The following EXOC4 variants were observed in gnomAD, a reference collection of about 807,000 sequenced individuals.
EXOC4 encodes SEC8-like 1.
A neutral mutation model predicts 107.2 loss-of-function variants in EXOC4; 71 were observed. That is an observed-to-expected ratio of 0.66 (90% confidence interval 0.55 to 0.81). The LOEUF (loss-of-function observed/expected upper bound fraction) is 0.81, where lower values mean the gene tolerates loss of function less well. EXOC4 is among the 30% of genes least tolerant of loss of function. EXOC4 has a pLI of 0.00. For synonymous variants in EXOC4, 456 were observed against 441.2 expected (o/e 1.03, Z -0.42); for missense variants, 1,108 against 1,189.6 (o/e 0.93, Z 1.01).
chr7:133,917,773 A>T, intron 13 of EXOC4, 35 bp downstream of exon 13: 1 of 1,595,648 alleles, frequency 6.3e-7, no homozygotes, highest in South Asian at 1.1e-5. Context: ...TCCTAAACAT[A>T]GGGAGGAAGC....
intron 17 of EXOC4, among the ~76,000 whole-genome samples, chr7:134,028,233 G>A (rs1795188621): frequency 6.6e-6 from 1 of 152,150 alleles, no homozygotes; most frequent in Non-Finnish European, 1.5e-5. Context: ...AAATTACTAT[G>A]TGATGATAAT....
At chr7:133,650,726 G>A (rs10954424) in intron 10 of EXOC4, among the ~76,000 whole-genome samples, 65,066 of 151,766 alleles carry the variant, frequency 0.43, 14,835 homozygotes, top group Admixed American at 0.57. Context: ...TGGAGGAGTG[G>A]TCTCATCATA....
At chr7:134,084,199 A>G in the EXOC4 span, among the ~76,000 whole-genome samples, 1 of 152,238 alleles carries the variant, frequency 6.6e-6, no homozygotes, top group Non-Finnish European at 1.5e-5. Flanking sequence ...GTCACCAGCA[A>G]TAACTGGCCA....
intron 7 of EXOC4, among the ~76,000 whole-genome samples, chr7:133,406,197 G>A (rs1488014857): frequency 1.3e-5 from 2 of 152,166 alleles, no homozygotes; most frequent in African/African-American, 4.8e-5. Context: ...TGACATTGCT[G>A]TGTGATAGAG....
chr7:134,095,226 C>G, the EXOC4 span, among the ~76,000 whole-genome samples: 1 of 151,840 alleles, frequency 6.6e-6, no homozygotes, highest in Non-Finnish European at 1.5e-5. Context: ...AAAAACAAAA[C>G]ACCAACATAA....
chr7:133,853,277 C>T, intron 11 of EXOC4, among the ~76,000 whole-genome samples: 1 of 151,490 alleles, frequency 6.6e-6, no homozygotes, highest in Non-Finnish European at 1.5e-5. Flanking sequence ...TTGTTTCTTT[C>T]TGTTTGTCTG....
intron 9 of EXOC4, among the ~76,000 whole-genome samples, chr7:133,550,423 T>C (rs1287441355): frequency 1.3e-5 from 2 of 152,208 alleles, no homozygotes; most frequent in Admixed American, 6.5e-5. Context: ...AGCAGAGTTA[T>C]TCTTCCTGCA....
intron 12 of EXOC4, among the ~76,000 whole-genome samples, chr7:133,906,163 T>C (rs536497775): frequency 3.2e-4 from 49 of 152,290 alleles, no homozygotes; most frequent in African/African-American, 9.6e-4. Context: ...CTGTGCTAAA[T>C]AGCACAGACT....
rs368970102 is a variant in EXOC4, at chr7:134,012,791, C to T, written c.2687+4956C>T. ...GACCTTGGGTACCCCACTGTTGAGA[C>T]GCTGGAGTGCTAGCGAAGAACCAGC... On this transcript the variant is annotated intron_variant, in intron 17 of 17. Coordinates refer to ENST00000253861, the MANE Select transcript of EXOC4 (RefSeq NM_021807.4). 2.6e-4 allele frequency among the ~76,000 whole-genome samples: 40 copies of T among 152,232 alleles called. No individual in the cohort carries two copies. In the East Asian group the frequency reaches 6.2e-3, roughly 24 times the overall value.
chr7:133,348,425 A>G (rs1291664214), intron 5 of EXOC4, among the ~76,000 whole-genome samples: 2 of 152,168 alleles, frequency 1.3e-5, no homozygotes, highest in Admixed American at 1.3e-4. Context: ...GTAAGTGGCT[A>G]CATGTGACAT....
chr7:133,602,167 TGC>T (rs1247151464), intron 9 of EXOC4, among the ~76,000 whole-genome samples: 4 of 152,168 alleles, frequency 2.6e-5, no homozygotes, highest in Non-Finnish European at 4.4e-5. Context: ...CTATAGAAGG[TGC>T]ATATATGTAA....
chr7:133,748,322 A>C (rs1475848778), intron 10 of EXOC4, among the ~76,000 whole-genome samples: 1 of 152,172 alleles, frequency 6.6e-6, no homozygotes, highest in Non-Finnish European at 1.5e-5. Flanking sequence ...TTAGAACTCT[A>C]CAGTGACCCT....
chr7:133,435,358 A>G (rs1797945756), intron 7 of EXOC4, among the ~76,000 whole-genome samples: 1 of 151,600 alleles, frequency 6.6e-6, no homozygotes, highest in Non-Finnish European at 1.5e-5. Context: ...TTTTGGGGGT[A>G]GGTTATCATG....
intron 7 of EXOC4, among the ~76,000 whole-genome samples, chr7:133,413,224 A>AT (rs1205687707): frequency 2.6e-5 from 4 of 151,910 alleles, no homozygotes; most frequent in Admixed American, 1.3e-4. Flanking sequence ...AGGTCATTGA[A>AT]TTTTTTTCTG....
chr7:133,739,881 G>A (rs1795529151), intron 10 of EXOC4, among the ~76,000 whole-genome samples: 1 of 152,172 alleles, frequency 6.6e-6, no homozygotes, highest in South Asian at 2.1e-4. Flanking sequence ...ATACCTGGAT[G>A]ATGAAATTTG....
intron 12 of EXOC4, among the ~76,000 whole-genome samples, chr7:133,896,926 G>A (rs1585231682): frequency 8.3e-6 from 1 of 120,902 alleles, no homozygotes. Flanking sequence ...GTCTCCCAAA[G>A]TGCTGGGATT....
chr7:133,895,753 G>T lies in EXOC4; in HGVS notation c.1871+18G>T, dbSNP rs1043157819. 12 of 1,604,416 alleles carry T rather than the reference G, an allele frequency of 7.5e-6. No individual in the cohort carries two copies. In the African/African-American group the frequency reaches 1.5e-4, roughly 20 times the overall value. ...GCTTACAGGTAGAGCTTCTGTTAGG[G>T]GCTAAGCAAAGTAACGTTTGAGCCT... On this transcript the variant is annotated intron_variant, in intron 12 of 17. Transcript: ENST00000253861.
At chr7:133,424,240 C>T (rs561967967) in intron 7 of EXOC4, among the ~76,000 whole-genome samples, 1 of 152,184 alleles carries the variant, frequency 6.6e-6, no homozygotes, top group South Asian at 2.1e-4. Context: ...GGGTGCCTGC[C>T]GCCTTTATGA....
chr7:133,952,737 C>T (rs186884361), intron 14 of EXOC4, among the ~76,000 whole-genome samples: 21 of 152,300 alleles, frequency 1.4e-4, no homozygotes, highest in Admixed American at 1.0e-3. Flanking sequence ...TAAGTGGAAT[C>T]ATGTAGTATT....
Sources: allele counts gnomAD v4.1 joint callset (sites outside exome capture counted in the v4.1 genomes callset), GRCh38; gene constraint gnomAD v4.1.1; transcripts MANE v1.5; gene names NCBI Gene and HGNC (gene_info 2026-07-23, HGNC 2026-07-21).